The following PPP2R2B variants were observed in gnomAD, a reference collection of about 807,000 sequenced individuals.
The protein encoded by PPP2R2B is protein phosphatase 2 regulatory subunit Bbeta, also known as serine/threonine-protein phosphatase 2A 55 kDa regulatory subunit B beta isoform.
A neutral mutation model predicts 46.0 loss-of-function variants in PPP2R2B; 5 were observed. That is an observed-to-expected ratio of 0.11 (90% CI 0.06 to 0.23). The LOEUF (loss-of-function observed/expected upper bound fraction) is 0.23, where lower values mean the gene tolerates loss of function less well. Among genes scored for constraint, PPP2R2B ranks in the 10% least tolerant of loss-of-function variants. PPP2R2B has a pLI of 1.00. For missense variants in PPP2R2B, 367 were observed against 575.0 expected, an observed-to-expected ratio of 0.64 and a Z score of 3.70; for synonymous variants, 215 against 206.7, an observed-to-expected ratio of 1.04 and a Z score of -0.34.
intron 1 of PPP2R2B, among the ~76,000 whole-genome samples, chr5:146,923,504 A>G (rs1442895459): frequency 6.6e-6 from 1 of 152,226 alleles, no homozygotes; most frequent in Non-Finnish European, 1.5e-5. Flanking sequence ...CCATTGCACC[A>G]TTGGCATTCC....
At chr5:146,690,199 G>A (rs144988215) in intron 5 of PPP2R2B, among the ~76,000 whole-genome samples, 1 of 152,272 alleles carries the variant, frequency 6.6e-6, no homozygotes, top group East Asian at 1.9e-4. Flanking sequence ...TGGGGCTAGG[G>A]CTATCCCAAC....
At chr5:146,617,758 G>A (rs1375922831) in intron 7 of PPP2R2B, among the ~76,000 whole-genome samples, 7 of 151,168 alleles carry the variant, frequency 4.6e-5, no homozygotes, top group Non-Finnish European at 2.9e-5. Context: ...GCAGTGGCGC[G>A]ATCTCAGCTC....
intron 2 of PPP2R2B, among the ~76,000 whole-genome samples, chr5:146,872,053 C>T (rs1428650532): frequency 6.6e-6 from 1 of 152,112 alleles, no homozygotes; most frequent in African/African-American, 2.4e-5. Context: ...AATGCAAACG[C>T]CAAAGTCTAG....
At chr5:146,678,146 A>C (rs1326999946) in intron 5 of PPP2R2B, among the ~76,000 whole-genome samples, 1 of 152,164 alleles carries the variant, frequency 6.6e-6, no homozygotes, top group Non-Finnish European at 1.5e-5. Flanking sequence ...ATCCTCAATA[A>C]AATACTGGCA....
At chr5:146,619,007 C>T (rs1379406361) in intron 7 of PPP2R2B, among the ~76,000 whole-genome samples, 1 of 152,178 alleles carries the variant, frequency 6.6e-6, no homozygotes, top group African/African-American at 2.4e-5. Context: ...TGTCCTGGTT[C>T]AGGGGCTCCA....
At chr5:146,925,870 A>G (rs571610098) in intron 1 of PPP2R2B, among the ~76,000 whole-genome samples, 1 of 151,936 alleles carries the variant, frequency 6.6e-6, no homozygotes, top group South Asian at 2.1e-4. Context: ...AGTAATTTCT[A>G]TTGATTTATA....
At chr5:146,820,816 T>C (rs1336540552) in intron 2 of PPP2R2B, among the ~76,000 whole-genome samples, 1 of 152,180 alleles carries the variant, frequency 6.6e-6, no homozygotes, top group East Asian at 1.9e-4. Flanking sequence ...ATCCGTCAAA[T>C]TGCCAACCTA....
chr5:146,980,022 G>A (rs1015854748), intron 1 of PPP2R2B, among the ~76,000 whole-genome samples: 2 of 151,910 alleles, frequency 1.3e-5, no homozygotes, highest in Non-Finnish European at 2.9e-5. Flanking sequence ...TTTCATCTTC[G>A]AGATATCCAC....
Position 146,860,506 on chromosome 5 carries a change from T to C in PPP2R2B, c.70+17496A>G, listed in dbSNP as rs563757261. 5.9e-5 allele frequency among the ~76,000 whole-genome samples: 9 copies of C among 152,318 alleles called. No homozygotes were observed. The South Asian group carries it at 1.9e-3, about 32-fold the overall frequency. The stretch of plus-strand genomic sequence containing the variant: ...ATGGTAGTATTCTCCTATGTTTCTC[T>C]GACAAAATGTACCCATACTCTGTCT... On this transcript the variant is annotated intron_variant, in intron 2 of 9. Coordinates refer to ENST00000394411, the MANE Select transcript of PPP2R2B (RefSeq NM_181675.4).
At chr5:146,862,221 A>G (rs1761049051) in intron 2 of PPP2R2B, among the ~76,000 whole-genome samples, 1 of 152,224 alleles carries the variant, frequency 6.6e-6, no homozygotes, top group Non-Finnish European at 1.5e-5. Flanking sequence ...CAAGAAAAGA[A>G]TATGTAACTG....
Position 146,812,264 on chromosome 5 carries a change from A to G in PPP2R2B, c.70+65738T>C, listed in dbSNP as rs74376483. 2.3e-3 allele frequency among the ~76,000 whole-genome samples: 342 copies of G among 151,434 alleles called. 8 individuals are homozygous for G. The East Asian group carries it at 0.06, about 27-fold the overall frequency. On this transcript the variant is annotated intron_variant, in intron 2 of 9. Transcript: ENST00000394411. Reference sequence around the variant, plus strand: ...AACAGCTTGCAAAGGTATAAGAACTATACACATGGATGGTATCTCATTTGC... The same window carrying G: ...AACAGCTTGCAAAGGTATAAGAACTGTACACATGGATGGTATCTCATTTGC...
chr5:146,755,749 A>G (rs1251856037), intron 2 of PPP2R2B, among the ~76,000 whole-genome samples: 1 of 152,128 alleles, frequency 6.6e-6, no homozygotes, highest in Non-Finnish European at 1.5e-5. Context: ...TTTGTATTGG[A>G]TTTCTTTTAG....
At chr5:146,902,560 A>G (rs1375931110) in intron 1 of PPP2R2B, among the ~76,000 whole-genome samples, 1 of 152,200 alleles carries the variant, frequency 6.6e-6, no homozygotes, top group Non-Finnish European at 1.5e-5. Flanking sequence ...GTCTGGCTCT[A>G]GATATACAAC....
intron 7 of PPP2R2B, among the ~76,000 whole-genome samples, chr5:146,617,772 G>A (rs1410988464): frequency 6.6e-6 from 1 of 150,864 alleles, no homozygotes; most frequent in African/African-American, 2.4e-5. Flanking sequence ...TCAGCTCACT[G>A]CAACCTCTGC....
chr5:146,725,177 C>T (rs1009466342), intron 2 of PPP2R2B, among the ~76,000 whole-genome samples: 3 of 152,112 alleles, frequency 2.0e-5, no homozygotes, highest in East Asian at 1.9e-4. Flanking sequence ...CACACAATTT[C>T]AAGAAAACAG....
chr5:147,031,831 T>C (rs1755800306), intron 1 of PPP2R2B, among the ~76,000 whole-genome samples: 1 of 152,164 alleles, frequency 6.6e-6, no homozygotes, highest in African/African-American at 2.4e-5. Flanking sequence ...GCTGGGATAA[T>C]TGCCTAGCCA....
chr5:147,039,604 A>G (rs997574475), intron 1 of PPP2R2B, among the ~76,000 whole-genome samples: 8 of 152,146 alleles, frequency 5.3e-5, no homozygotes, highest in African/African-American at 1.9e-4. Flanking sequence ...GAAACCTACC[A>G]CGGAGACCAT....
intron 2 of PPP2R2B, among the ~76,000 whole-genome samples, chr5:146,779,444 A>G (rs1755377818): frequency 2.0e-5 from 3 of 152,156 alleles, no homozygotes; most frequent in Admixed American, 6.5e-5. Context: ...CCCACACTGC[A>G]GTTCATGATT....
chr5:146,623,818 A>C (rs942049064), intron 7 of PPP2R2B, among the ~76,000 whole-genome samples: 2 of 152,158 alleles, frequency 1.3e-5, no homozygotes, highest in African/African-American at 4.8e-5. Context: ...GCTTTGAGTA[A>C]TTCAGCAGAT....
Sources: gnomAD v4.1 joint callset for allele counts (sites outside exome capture counted in the v4.1 genomes callset) on GRCh38, gnomAD v4.1.1 for gene constraint, MANE v1.5 for transcripts, NCBI Gene and HGNC (gene_info 2026-07-23, HGNC 2026-07-21) for gene names.